CPNE5: variants seen among roughly 807,000 people sequenced by gnomAD.
CPNE5 encodes copine-5.
In CPNE5, 42 loss-of-function variants were observed where a neutral mutation model predicts 81.1. The observed-to-expected ratio is 0.52, with a 90% CI of 0.40 to 0.67. The LOEUF (loss-of-function observed/expected upper bound fraction) is 0.67. Ranked by LOEUF, CPNE5 falls within the 30% of genes least tolerant of loss-of-function variation. The probability of loss-of-function intolerance (pLI) is 0.00; values close to 1 mark genes in which losing one functional copy is unlikely to be tolerated. For synonymous variants in CPNE5, 313 were observed against 321.5 expected, an observed-to-expected ratio of 0.97 and a Z score of 0.28; for missense variants, 612 against 815.5, an observed-to-expected ratio of 0.75 and a Z score of 3.04.
chr6:36,775,958 C>A (rs925774371), intron 9 of CPNE5, among the ~76,000 whole-genome samples: 1 of 152,148 alleles, frequency 6.6e-6, no homozygotes, highest in Non-Finnish European at 1.5e-5. Context: ...GTATGTCAAT[C>A]CAATGAAATT....
At chr6:36,818,065 A>C (rs994496118) in intron 3 of CPNE5, among the ~76,000 whole-genome samples, 1 of 152,062 alleles carries the variant, frequency 6.6e-6, no homozygotes, top group Non-Finnish European at 1.5e-5. Flanking sequence ...CAGCTCCTCC[A>C]CAGACTGAGG....
intron 3 of CPNE5, among the ~76,000 whole-genome samples, chr6:36,820,607 G>A (rs1346290779): frequency 6.6e-6 from 1 of 152,094 alleles, no homozygotes; most frequent in Non-Finnish European, 1.5e-5. Context: ...TAAAGCAGAT[G>A]AAAATCTCTG....
At chr6:36,807,552 A>C (rs1483679942) in intron 3 of CPNE5, among the ~76,000 whole-genome samples, 1 of 151,990 alleles carries the variant, frequency 6.6e-6, no homozygotes, top group Non-Finnish European at 1.5e-5. Flanking sequence ...AAGCCTTTAA[A>C]CTCAGCTTTA....
chr6:36,777,278 G>C (rs958176037), intron 9 of CPNE5, among the ~76,000 whole-genome samples: 2 of 150,884 alleles, frequency 1.3e-5, no homozygotes, highest in African/African-American at 4.9e-5. Context: ...GCATTTCCAC[G>C]GCACAGCTCC....
In CPNE5 at chr6:36,770,816, G is replaced by A. The variant is rs962507432; in HGVS notation, c.737+4145C>T. On this transcript the variant is annotated intron_variant, in intron 10 of 20. Transcript: ENST00000244751. ...CCCAACCTCTCAACAGCAGCAGCTC[G>A]TTTTCAAACAACAAACATAATCTTT... Among the ~76,000 whole-genome samples the A allele has an allele frequency of 2.0e-5, 3 of 152,124 alleles. No homozygotes were observed. The East Asian group carries it at 5.8e-4, about 29-fold the overall frequency.
In CPNE5 at chr6:36,792,030, C is replaced by T; in HGVS notation, c.528+3G>A. 1 of 1,613,868 alleles carries T rather than the reference C, an allele frequency of 6.2e-7. No individual in the cohort carries two copies. Among genetic ancestry groups the T allele is most frequent in the Non-Finnish European group, 8.5e-7 (1 of 1,179,750 alleles). On this transcript the variant is annotated splice_donor_region_variant and intron_variant, in intron 8 of 20. Coordinates refer to ENST00000244751, the MANE Select transcript of CPNE5 (RefSeq NM_020939.2). ...TCCTGTGCTGGAGTCCTCTGCCACT[C>T]ACCCTACAGTTGCTGAGCTCCTCAG...
chr6:36,820,200 GCTTTCCT>G (rs1334415461), intron 3 of CPNE5, among the ~76,000 whole-genome samples: 3 of 152,058 alleles, frequency 2.0e-5, no homozygotes, highest in Non-Finnish European at 4.4e-5. Context: ...CCCCTTCCCC[GCTTTCCT>G]CTTTCCACCT....
intron 10 of CPNE5, among the ~76,000 whole-genome samples, chr6:36,770,578 C>T (rs1344696146): frequency 1.3e-5 from 2 of 152,018 alleles, no homozygotes; most frequent in Admixed American, 6.6e-5. Context: ...CTGACCGTGC[C>T]GCCCTCCTCT....
At position 36,742,132 on chromosome 6, in the gene CPNE5, C is replaced by T; in HGVS notation, c.*136G>A. ...GAAATTGAGGAGGGGTCTTCAGAAG[C>T]CCCACCCCCTGGCAGCCTCCCAGGC... On this transcript the variant is annotated 3_prime_UTR_variant, in exon 21 of 21. Coordinates refer to ENST00000244751, the MANE Select transcript of CPNE5 (RefSeq NM_020939.2). The T allele has an allele frequency of 1.6e-6, 1 of 641,490 alleles. No individual in the cohort carries two copies. The highest frequency in any genetic ancestry group is 2.6e-6 in the Non-Finnish European group (1 of 383,394). 39.7% of individuals were successfully genotyped at this position (641,490 alleles called of 1,614,324 possible). A position where few individuals can be genotyped will look rare whatever the true frequency, so the allele number is the denominator to read the frequency against.
At chr6:36,784,696 CTT>C (rs1768363877) in intron 8 of CPNE5, among the ~76,000 whole-genome samples, 1 of 152,186 alleles carries the variant, frequency 6.6e-6, no homozygotes, top group African/African-American at 2.4e-5. Flanking sequence ...AGTCTCAGCA[CTT>C]TGGGAGGCCG....
At chr6:36,794,752 T>C in intron 6 of CPNE5, 103 bp from the exon 7 acceptor site, 1 of 1,021,630 alleles carries the variant, frequency 9.8e-7, no homozygotes, top group Non-Finnish European at 1.5e-6. Flanking sequence ...AAGCGGCTGC[T>C]CTGGAAGTCA....
At position 36,766,856 on chromosome 6, in the gene CPNE5, T is replaced by C. The variant is rs190114788; in HGVS notation, c.738-1480A>G. 2.6e-3 allele frequency among the ~76,000 whole-genome samples: 400 copies of C among 152,264 alleles called. No individual in the cohort carries two copies. The highest frequency in any genetic ancestry group is 5.2e-3 in the Non-Finnish European group (352 of 68,012). On this transcript the variant is annotated intron_variant, in intron 10 of 20. Transcript: ENST00000244751. The surrounding 1 kb of genome is among the most constrained non-coding windows in gnomAD (Gnocchi z 4.2). ...TGGCCGCGCTCTGATAGGTTTTTGTTTGTTTGTTTGCTTGTTTGAGATGGA... is the reference window on the plus strand; with the variant it reads ...TGGCCGCGCTCTGATAGGTTTTTGTCTGTTTGTTTGCTTGTTTGAGATGGA...
chr6:36,743,888 T>C, intron 19 of CPNE5, 126 bp from the exon 20 acceptor site: 1 of 819,476 alleles, frequency 1.2e-6, no homozygotes, highest in South Asian at 1.5e-5. Context: ...CCATGCCCCG[T>C]GTTAGAGATG....
chr6:36,781,216 C>T (rs1034288606), intron 8 of CPNE5, among the ~76,000 whole-genome samples: 2 of 152,100 alleles, frequency 1.3e-5, no homozygotes, highest in Non-Finnish European at 2.9e-5. Flanking sequence ...TCATCGCCCA[C>T]CAGACAGGGA....
rs1157250827 is a variant in CPNE5, at chr6:36,834,254, C to CAAAAAAAAAAAAA, written c.95+5016_95+5028dup. ...AGCTTGGGCAACAGAGACTGTATCT[C>CAAAAAAAAAAAAA]AAAAAAAAAAAAAAAAAAAAAAAAG... On this transcript the variant is annotated intron_variant, in intron 1 of 20. Transcript: ENST00000244751. 9.7e-4 allele frequency among the ~76,000 whole-genome samples: 21 copies of CAAAAAAAAAAAAA among 21,678 alleles called. 1 individual carries two copies. Among genetic ancestry groups the CAAAAAAAAAAAAA allele is most frequent in the South Asian group, 4.5e-3 (1 of 224 alleles). The allele number at this position is 21,678 out of a possible 152,430, so 14.2% of individuals were successfully genotyped here.
Position 36,756,242 on chromosome 6 carries a change from C to T in CPNE5, c.909+3G>A, listed in dbSNP as rs1765451708. The T allele has an allele frequency of 1.2e-6, 2 of 1,613,512 alleles. No homozygotes were observed. The highest frequency in any genetic ancestry group is 1.7e-6 in the Non-Finnish European group (2 of 1,179,680). Reference sequence around the variant, plus strand: ...GGCTGCAGAGACCGGGGTGGCTACTCACTGTGCCAGAATTCACGTATTTCT... The same window carrying T: ...GGCTGCAGAGACCGGGGTGGCTACTTACTGTGCCAGAATTCACGTATTTCT... On this transcript the variant is annotated splice_donor_region_variant and intron_variant, in intron 13 of 20. Transcript: ENST00000244751.
intron 3 of CPNE5, among the ~76,000 whole-genome samples, chr6:36,818,012 T>A (rs1362170733): frequency 3.3e-5 from 5 of 152,248 alleles, no homozygotes; most frequent in African/African-American, 9.6e-5. Context: ...GGCCCCTGGG[T>A]TATGTCTTCG....
At chr6:36,793,560 CCCT>C (rs905506256) in intron 7 of CPNE5, among the ~76,000 whole-genome samples, 18 of 152,260 alleles carry the variant, frequency 1.2e-4, no homozygotes, top group Admixed American at 1.1e-3. Context: ...ATCCTTCTTT[CCCT>C]CCTCTCCAGC....
At chr6:36,826,567 G>A (rs116551458) in intron 1 of CPNE5, among the ~76,000 whole-genome samples, 2,174 of 152,236 alleles carry the variant, frequency 0.014, 61 homozygotes, top group African/African-American at 0.05. Flanking sequence ...GTACACGATC[G>A]GTTGCAAAAT....
Sources: gnomAD v4.1 joint callset for allele counts (sites outside exome capture counted in the v4.1 genomes callset) on GRCh38, gnomAD v4.1.1 for gene constraint, Gnocchi (gnomAD v3.1) non-coding constraint, MANE v1.5 for transcripts, NCBI Gene and HGNC (gene_info 2026-07-23, HGNC 2026-07-21) for gene names.